REDIC1: variants seen among roughly 807,000 people sequenced by gnomAD.
REDIC1 encodes the protein regulator of DNA class I crossover intermediates 1, also known as HEI10 Interacting Protein 1.
At chr12:39,636,746 T>C in the REDIC1 span, among the ~76,000 whole-genome samples, 1 of 151,858 alleles carries the variant, frequency 6.6e-6, no homozygotes, top group Non-Finnish European at 1.5e-5. Flanking sequence ...AAAAGCAAAA[T>C]AAAACAAAAG....
the REDIC1 span, among the ~76,000 whole-genome samples, chr12:39,772,426 C>A: frequency 6.6e-6 from 1 of 151,910 alleles, no homozygotes; most frequent in African/African-American, 2.4e-5. Flanking sequence ...TTTTAAATCT[C>A]AACCTATTGT....
the REDIC1 span, among the ~76,000 whole-genome samples, chr12:39,861,480 T>C: frequency 6.6e-6 from 1 of 152,232 alleles, no homozygotes. Context: ...GATAGTGATT[T>C]ACATATACTG....
chr12:39,719,902 C>A, the REDIC1 span, among the ~76,000 whole-genome samples: 1 of 152,054 alleles, frequency 6.6e-6, no homozygotes, highest in Non-Finnish European at 1.5e-5. Flanking sequence ...CATTTTAAGA[C>A]GTATCTACTA....
chr12:39,647,859 C>T, the REDIC1 span: 1 of 1,608,734 alleles, frequency 6.2e-7, no homozygotes. Context: ...TGCAGTTTCA[C>T]TCCATCATCT....
chr12:39,660,374 G>A, the REDIC1 span, among the ~76,000 whole-genome samples: 1 of 152,234 alleles, frequency 6.6e-6, no homozygotes, highest in African/African-American at 2.4e-5. Flanking sequence ...TGGCTTGAAT[G>A]TTCTCTCCAG....
At chr12:39,747,003 C>T in the REDIC1 span, among the ~76,000 whole-genome samples, 5 of 152,184 alleles carry the variant, frequency 3.3e-5, no homozygotes, top group African/African-American at 1.2e-4. Flanking sequence ...GCTGAAAATT[C>T]TAAAAATCAG....
At chr12:39,709,254 C>CT in the REDIC1 span, among the ~76,000 whole-genome samples, 2 of 148,536 alleles carry the variant, frequency 1.3e-5, no homozygotes, top group Admixed American at 6.7e-5. Flanking sequence ...TTGCCAATAG[C>CT]TTTTTTTTCT....
At chr12:39,860,192 C>G in the REDIC1 span, among the ~76,000 whole-genome samples, 1 of 152,116 alleles carries the variant, frequency 6.6e-6, no homozygotes, top group African/African-American at 2.4e-5. Flanking sequence ...AGGAGTGTGA[C>G]TTATTTGGAC....
At chr12:39,764,411 T>C in the REDIC1 span, 5 of 1,433,836 alleles carry the variant, frequency 3.5e-6, no homozygotes, top group African/African-American at 7.3e-5. Flanking sequence ...TATCTAAAAA[T>C]AGTGATAAAA....
the REDIC1 span, among the ~76,000 whole-genome samples, chr12:39,873,058 G>A: frequency 1.8e-4 from 27 of 152,134 alleles, no homozygotes; most frequent in South Asian, 5.6e-3. Flanking sequence ...AATGGCTTCT[G>A]TCTACTATTT....
At chr12:39,719,127 C>T in the REDIC1 span, among the ~76,000 whole-genome samples, 2 of 152,068 alleles carry the variant, frequency 1.3e-5, no homozygotes, top group Non-Finnish European at 2.9e-5. Flanking sequence ...TATATGTAAA[C>T]TCATGCAAAT....
the REDIC1 span, among the ~76,000 whole-genome samples, chr12:39,846,695 A>C: frequency 1.6e-4 from 24 of 152,232 alleles, no homozygotes; most frequent in African/African-American, 4.8e-5. Context: ...CAAAAGATCC[A>C]CTGGCCTCGG....
the REDIC1 span, among the ~76,000 whole-genome samples, chr12:39,711,933 GTA>G: frequency 5.8e-5 from 7 of 120,360 alleles, no homozygotes; most frequent in East Asian, 2.6e-4. Context: ...ATGTCTATAT[GTA>G]TATAGACATG....
the REDIC1 span, among the ~76,000 whole-genome samples, chr12:39,820,395 T>TGAATCACA: frequency 6.6e-6 from 1 of 152,204 alleles, no homozygotes; most frequent in East Asian, 1.9e-4. Flanking sequence ...GTGATTGGCA[T>TGAATCACA]TGGTTCATGA....
the REDIC1 span, among the ~76,000 whole-genome samples, chr12:39,790,763 T>G: frequency 0.92 from 47,515 of 51,634 alleles, 21,872 homozygotes; most frequent in East Asian, 0.98. Flanking sequence ...TCAAATGGTA[T>G]TTCTAGTTCT....
At chr12:39,636,616 T>A in the REDIC1 span, among the ~76,000 whole-genome samples, 2 of 152,094 alleles carry the variant, frequency 1.3e-5, no homozygotes, top group Non-Finnish European at 2.9e-5. Flanking sequence ...GGCTATTAAT[T>A]TTCTTTAAAT....
At chr12:39,872,110 T>C in the REDIC1 span, 2 of 605,790 alleles carry the variant, frequency 3.3e-6, no homozygotes, top group East Asian at 6.7e-5. Context: ...ATGCAAGCTG[T>C]TGAAAAGATC....
the REDIC1 span, among the ~76,000 whole-genome samples, chr12:39,844,458 C>T: frequency 6.6e-6 from 1 of 152,142 alleles, no homozygotes; most frequent in Admixed American, 6.5e-5. Flanking sequence ...GTAGCATACC[C>T]ATAAATATTC....
At chr12:39,683,524 C>G in the REDIC1 span, 2 of 1,415,576 alleles carry the variant, frequency 1.4e-6, no homozygotes, top group Non-Finnish European at 2.0e-6. Context: ...AAATCAGGAT[C>G]TAGTATGATG....
Sources: gnomAD v4.1 joint callset for allele counts (sites outside exome capture counted in the v4.1 genomes callset) on GRCh38, gnomAD v4.1.1 for gene constraint, MANE v1.5 for transcripts, NCBI Gene and HGNC (gene_info 2026-07-23, HGNC 2026-07-21) for gene names.